The following SYS1 variants were observed in gnomAD, a reference collection of about 807,000 sequenced individuals.
SYS1 encodes SYS1 golgi trafficking protein.
In SYS1, 8 loss-of-function variants were observed where a neutral mutation model predicts 17.8. The observed-to-expected ratio is 0.45, with a 90% confidence interval of 0.26 to 0.81. SYS1 has a LOEUF of 0.81. Among genes scored for constraint, SYS1 ranks in the 40% least tolerant of loss-of-function variants. The probability of loss-of-function intolerance (pLI) is 0.16; values close to 1 mark genes in which losing one functional copy is unlikely to be tolerated. For synonymous variants in SYS1, 95 were observed against 90.9 expected (o/e 1.05, Z -0.26); for missense variants, 161 against 203.9 (o/e 0.79, Z 1.28).
rs372469939 is a variant in SYS1, at chr20:45,365,719, G to A, written c.230+33G>A. 1.9e-6 allele frequency: 3 copies of A among 1,602,452 alleles called. No homozygotes were observed. The African/African-American group carries it at 4.0e-5, about 21-fold the overall frequency. ...TCACCAGTTTTGCTATCCAGCTTTTGGGCTCTTAGTGCTGGGACTAACTTC... is the reference window on the plus strand; with the variant it reads ...TCACCAGTTTTGCTATCCAGCTTTTAGGCTCTTAGTGCTGGGACTAACTTC... On this transcript the variant is annotated intron_variant, in intron 3 of 3. Transcript: ENST00000243918.
chr20:45,365,476 G>T, intron 2 of SYS1, 143 bp from the exon 3 acceptor site: 1 of 824,508 alleles, frequency 1.2e-6, no homozygotes, highest in Non-Finnish European at 2.2e-6. Context: ...AGCACCTATT[G>T]GAAATAGGCT....
chr20:45,363,754 A>G (rs1047149893), intron 2 of SYS1, 61 bp downstream of exon 2: 2 of 1,511,056 alleles, frequency 1.3e-6, no homozygotes, highest in Admixed American at 4.0e-5. Context: ...TTTGTGGTCC[A>G]TCACTACTGT....
chr20:45,370,202 C>T (rs1361879732), downstream of SYS1, among the ~76,000 whole-genome samples: 2 of 152,206 alleles, frequency 1.3e-5, no homozygotes, highest in African/African-American at 2.4e-5. Context: ...GCTGGGATTA[C>T]AGGCATGAGC....
At chr20:45,374,221 G>A in intron 3 of SYS1, 1 of 683,850 alleles carries the variant, frequency 1.5e-6, no homozygotes, top group Non-Finnish European at 2.6e-6. Flanking sequence ...AAAGGGCTGC[G>A]GTATTTTCTT....
At chr20:45,371,257 G>A (rs1295288068), downstream of SYS1, among the ~76,000 whole-genome samples, 1 of 152,206 alleles carries the variant, frequency 6.6e-6, no homozygotes, top group African/African-American at 2.4e-5. Flanking sequence ...GATGCAATAA[G>A]ATGTCACGTG....
chr20:45,372,026 C>T (rs1258999058), downstream of SYS1, among the ~76,000 whole-genome samples: 1 of 152,242 alleles, frequency 6.6e-6, no homozygotes, highest in Admixed American at 6.5e-5. Context: ...TCAAACACTT[C>T]AATTTTTTCC....
chr20:45,375,271 G>A, exon 4 of SYS1: 1 of 1,614,174 alleles, frequency 6.2e-7, no homozygotes, highest in East Asian at 2.2e-5. Flanking sequence ...GGGGCCCTCG[G>A]TGAGTGGTTG....
Position 45,368,859 on chromosome 20 carries a change from A to C in SYS1, c.*1744A>C, listed in dbSNP as rs1042522664. The C allele has an allele frequency of 1.3e-5, 13 of 985,328 alleles. No homozygotes were observed. In the Admixed American group the frequency reaches 7.4e-4, roughly 56 times the overall value. The allele number at this position is 985,328 out of a possible 1,614,324, so 61.0% of individuals were successfully genotyped here. A position where few individuals can be genotyped will look rare whatever the true frequency, so the allele number is the denominator to read the frequency against. On this transcript the variant is annotated 3_prime_UTR_variant, in exon 4 of 4. Transcript: ENST00000243918. ...CATGTGGCTGCTGTCACCCTTGACC[A>C]GCCGTGGTGGTGGTTACTCCATCTG...
Position 45,363,679 on chromosome 20 carries a change from A to G in SYS1, c.148A>G (p.Met50Val). ...GCGAAGCAGCCCCTCGCTGGACCAGATGTTCGACGCCGAGGTAGGGTCCCC... is the reference window on the plus strand; with the variant it reads ...GCGAAGCAGCCCCTCGCTGGACCAGGTGTTCGACGCCGAGGTAGGGTCCCC... ...LVRSSPSLDQMFDAEILGFST... is the reference protein window; with the variant it reads ...LVRSSPSLDQVFDAEILGFST... The change falls in exon 2 of 4, where the codon ATG (methionine) becomes GTG (valine). Residue 50 changes from methionine (M) to valine (V), a missense_variant. By Grantham distance (21) the Met-to-Val change is conservative. Coordinates refer to ENST00000243918, the MANE Select transcript of SYS1 (RefSeq NM_033542.4). 6.4e-7 allele frequency: 1 copy of G among 1,569,108 alleles called. No homozygotes were observed. Among genetic ancestry groups the G allele is most frequent in the Non-Finnish European group, 8.6e-7 (1 of 1,159,086 alleles).
chr20:45,369,629 G>T (rs1347707285), downstream of SYS1, among the ~76,000 whole-genome samples: 2 of 135,816 alleles, frequency 1.5e-5, no homozygotes, highest in East Asian at 2.1e-4. Context: ...TTGAGGCAGG[G>T]TCTTACTCTG....
exon 4 of SYS1, chr20:45,375,906 G>A (rs1209821650): frequency 4.5e-6 from 1 of 223,360 alleles, no homozygotes; most frequent in African/African-American, 2.3e-5. Context: ...TTAGGGTTCT[G>A]AGGAGGTGTC....
At chr20:45,364,763 G>C (rs955688613) in intron 2 of SYS1, among the ~76,000 whole-genome samples, 2 of 152,110 alleles carry the variant, frequency 1.3e-5, no homozygotes, top group African/African-American at 4.8e-5. Flanking sequence ...GAGCCACCGC[G>C]CCCGGCCGAG....
At position 45,365,668 on chromosome 20, in the gene SYS1, T is replaced by A; in HGVS notation, c.212T>A (p.Ile71Asn). 1 of 1,614,180 alleles carries A rather than the reference T, an allele frequency of 6.2e-7. No homozygotes were observed. The highest frequency in any genetic ancestry group is 8.5e-7 in the Non-Finnish European group (1 of 1,180,022). ...GGCCGGCTCTCCATGATGTCCTTCA[T>A]CCTCAACGCCCTCACCTGGTGAGTA... ...PPGRLSMMSF[I>N]LNALTCALGL... Residue 71 changes from isoleucine (I) to asparagine (N), a missense_variant, in exon 3 of 4, where the codon ATC (isoleucine) becomes AAC (asparagine). Physicochemically the swap from Ile to Asn is moderately radical, Grantham distance 149. Transcript: ENST00000243918.
exon 4 of SYS1, chr20:45,375,344 TA>T (rs767583853): frequency 1.2e-6 from 2 of 1,614,022 alleles, no homozygotes; most frequent in Non-Finnish European, 1.7e-6. Context: ...TCAGGCTCTA[TA>T]TGCTTTTCTT....
chr20:45,371,481 G>A (rs1988560006), downstream of SYS1, among the ~76,000 whole-genome samples: 1 of 152,162 alleles, frequency 6.6e-6, no homozygotes, highest in Admixed American at 6.5e-5. Flanking sequence ...TGATTTATGT[G>A]TATTCTTACT....
rs1281342324 is a variant in SYS1, at chr20:45,374,646, T to C, written c.*352T>C. The stretch of plus-strand genomic sequence containing the variant: ...AGAGTTGAATTGATCTTAGAGGGAA[T>C]GGGATGCAGCAAAGCCCTACTTGAC... On this transcript the variant is annotated 3_prime_UTR_variant, in exon 4 of 4. Coordinates refer to the SYS1 transcript ENST00000426004. 11 of 429,956 alleles carry C rather than the reference T, an allele frequency of 2.6e-5. No homozygotes were observed. The East Asian group carries it at 3.7e-4, about 15-fold the overall frequency. The allele number at this position is 429,956 out of a possible 1,614,324, so 26.6% of individuals were successfully genotyped here.
exon 4 of SYS1, chr20:45,375,634 G>C (rs1339859997): frequency 2.0e-6 from 3 of 1,510,596 alleles, no homozygotes; most frequent in Middle Eastern, 2.4e-4. Context: ...CCAGCTCAGG[G>C]GAGCCTGTTA....
exon 4 of SYS1, chr20:45,375,197 C>T (rs183862079): frequency 1.2e-6 from 2 of 1,614,210 alleles, no homozygotes; most frequent in East Asian, 4.5e-5. Context: ...TGGTCGGCTA[C>T]ATCCAGCTGC....
downstream of SYS1, among the ~76,000 whole-genome samples, chr20:45,372,074 C>T (rs1988571875): frequency 1.3e-5 from 2 of 152,204 alleles, no homozygotes; most frequent in African/African-American, 4.8e-5. Flanking sequence ...GGGTGGCCTC[C>T]TCCCCAAATC....
Sources: allele counts gnomAD v4.1 joint callset (sites outside exome capture counted in the v4.1 genomes callset), GRCh38; gene constraint gnomAD v4.1.1; transcripts MANE v1.5; gene names NCBI Gene and HGNC (gene_info 2026-07-23, HGNC 2026-07-21).